DDA1: variants seen among roughly 807,000 people sequenced by gnomAD.
The protein encoded by DDA1 is DET1- and DDB1-associated protein 1.
DDA1 carries 3 observed loss-of-function variants against 18.6 expected under a neutral mutation model. The ratio of observed to expected loss-of-function variants is 0.16; its 90% confidence interval spans 0.07 to 0.42. The LOEUF is 0.42. Ranked by LOEUF, DDA1 falls within the 10% of genes least tolerant of loss-of-function variation. The probability of loss-of-function intolerance (pLI) is 0.99; values close to 1 mark genes in which losing one functional copy is unlikely to be tolerated. For missense variants in DDA1, 105 were observed against 138.2 expected (o/e 0.76, Z 1.20); for synonymous variants, 52 against 54.0 (o/e 0.96, Z 0.17).
Position 17,319,570 on chromosome 19 carries a change from G to C in DDA1, c.223G>C (p.Glu75Gln), listed in dbSNP as rs1259440823. The change falls in exon 5 of 5, where the codon GAG becomes CAG. Residue 75 changes from glutamate (E) to glutamine (Q), a missense_variant. By Grantham distance (29) the Glu-to-Gln change is conservative (BLOSUM62 2). This residue lies in a region of DDA1 where 62 missense variants were observed against 55.8 expected (regional missense o/e 1.11). Transcript: ENST00000359866. ...GAACGCTGCCAAGAAGAGAGACCAG[G>C]AGCAAGTGGAGCTGGAAGGCGAGAG... ...KKNAAKKRDQEQVELEGESSA... is the reference protein window; with the variant it reads ...KKNAAKKRDQQQVELEGESSA... The C allele has an allele frequency of 6.4e-7, 1 of 1,573,788 alleles. No homozygotes were observed. Among genetic ancestry groups the C allele is most frequent in the East Asian group, 2.3e-5 (1 of 42,880 alleles).
chr19:17,317,697 C>T lies in DDA1; in HGVS notation c.198+1702C>T, dbSNP rs140383591. On this transcript the variant is annotated intron_variant, in intron 4 of 4. Transcript: ENST00000359866. ...AAAAAAAAAAAAAAAAACAAATTAG[C>T]TGGCTGTGGCATGTTCCTGTAATCC... is the stretch of plus-strand genomic sequence containing the variant. Among the ~76,000 whole-genome samples, 102 of 147,040 alleles carry T rather than the reference C, an allele frequency of 6.9e-4. 1 individual carries two copies. In the East Asian group the frequency reaches 0.014, roughly 20 times the overall value.
chr19:17,314,270 A>G lies in DDA1; in HGVS notation c.85-68A>G. ...AATCTGCACTGAAGGGTGGGTGCTG[A>G]GTGGAGGGATGAGGAGACCCCAGGC... On this transcript the variant is annotated intron_variant, in intron 2 of 4. Coordinates refer to ENST00000359866, the MANE Select transcript of DDA1 (RefSeq NM_024050.6). The surrounding 1 kb of genome is among the most constrained non-coding windows in gnomAD (Gnocchi z 4.6). 1 of 1,600,168 alleles carries G rather than the reference A, an allele frequency of 6.2e-7. No homozygotes were observed.
Position 17,319,766 on chromosome 19 carries a change from C to T in DDA1, c.*110C>T. ...GCCCGCCTCCCTGCCGGCCCATCCA[C>T]ACCCTGCGTCCACACCACTTCCAAC... On this transcript the variant is annotated 3_prime_UTR_variant, in exon 5 of 5. Coordinates refer to ENST00000359866, the MANE Select transcript of DDA1 (RefSeq NM_024050.6). 3 of 865,016 alleles carry T rather than the reference C, an allele frequency of 3.5e-6. No individual in the cohort carries two copies. Among genetic ancestry groups the T allele is most frequent in the Non-Finnish European group, 5.4e-6 (3 of 552,456 alleles). The allele number at this position is 865,016 out of a possible 1,614,324, so 53.6% of individuals were successfully genotyped here. A position where few individuals can be genotyped will look rare whatever the true frequency, so the allele number is the denominator to read the frequency against.
rs1198085883 is a variant in DDA1, at chr19:17,322,285, A to T, written c.*2629A>T. On this transcript the variant is annotated 3_prime_UTR_variant, in exon 5 of 5. Coordinates refer to ENST00000359866, the MANE Select transcript of DDA1 (RefSeq NM_024050.6). ...TTGCCTCCCTGTGGCCTCCCCCTAG[A>T]ACCCCTGGGTCTGTCGGGACATGCC... is the stretch of plus-strand genomic sequence containing the variant. 1 of 152,848 alleles carries T rather than the reference A, an allele frequency of 6.5e-6. No homozygotes were observed. The highest frequency in any genetic ancestry group is 1.5e-5 in the Non-Finnish European group (1 of 68,584). 9.5% of individuals were successfully genotyped at this position (152,848 alleles called of 1,614,324 possible).
rs1309786089 is a variant in DDA1 at position 17,315,151 on chromosome 19, G to GTATATATATACACA, written c.136+770_136+771insTACACATATATATA. On this transcript the variant is annotated intron_variant, in intron 3 of 4. Transcript: ENST00000359866. ...TATACACACATATATATACACACAC[G>GTATATATATACACA]TATATATACACACGTGTATATACAC... 9.5e-5 allele frequency among the ~76,000 whole-genome samples: 5 copies of GTATATATATACACA among 52,652 alleles called. 2 individuals are homozygous for GTATATATATACACA. Among genetic ancestry groups the GTATATATATACACA allele is most frequent in the African/African-American group, 7.0e-4 (5 of 7,188 alleles). The allele number at this position is 52,652 out of a possible 152,430, so 34.5% of individuals were successfully genotyped here. A position where few individuals can be genotyped will look rare whatever the true frequency, so the allele number is the denominator to read the frequency against.
chr19:17,316,211 C>G (rs1197567899), intron 4 of DDA1, among the ~76,000 whole-genome samples: 1 of 152,142 alleles, frequency 6.6e-6, no homozygotes, highest in East Asian at 1.9e-4. Flanking sequence ...AGGCTGGAGG[C>G]CAGGCCCAAG....
chr19:17,312,753 C>T (rs2074185079), intron 1 of DDA1, among the ~76,000 whole-genome samples: 1 of 152,222 alleles, frequency 6.6e-6, no homozygotes, highest in Non-Finnish European at 1.5e-5. Context: ...CAGTCCAGTG[C>T]CCTGGTGCCT....
In DDA1 at chr19:17,315,429, C is replaced by CGCATAT. The variant is rs1491243231; in HGVS notation, c.137-505_137-504insGCATAT. On this transcript the variant is annotated intron_variant, in intron 3 of 4. Coordinates refer to ENST00000359866, the MANE Select transcript of DDA1 (RefSeq NM_024050.6). ...ACATACGTGTGTGTGTGTGTGTGTG[C>CGCATAT]ATATATATATATATATATATATATA... Among the ~76,000 whole-genome samples the CGCATAT allele has an allele frequency of 3.3e-4, 17 of 52,040 alleles. 1 individual carries two copies. Among genetic ancestry groups the CGCATAT allele is most frequent in the Admixed American group, 2.6e-3 (16 of 6,266 alleles). 34.1% of individuals were successfully genotyped at this position (52,040 alleles called of 152,430 possible).
intron 4 of DDA1, 79 bp from the exon 5 acceptor site, chr19:17,319,467 G>A: frequency 8.3e-7 from 1 of 1,210,008 alleles, no homozygotes; most frequent in Middle Eastern, 2.0e-4. Flanking sequence ...GGCTGAGCTG[G>A]GAGGATTGCT....
In DDA1 at chr19:17,315,164, CGTGT is replaced by C. The variant is rs1568353624; in HGVS notation, c.137-769_137-766del. ...ATATACACACACGTATATATACACA[CGTGT>C]ATATACACACACGTGTATACACACA... On this transcript the variant is annotated intron_variant, in intron 3 of 4. Transcript: ENST00000359866. Among the ~76,000 whole-genome samples, 294 of 68,308 alleles carry C rather than the reference CGTGT, an allele frequency of 4.3e-3. 55 individuals are homozygous for C. The highest frequency in any genetic ancestry group is 5.7e-3 in the Middle Eastern group (1 of 174). 44.8% of individuals were successfully genotyped at this position (68,308 alleles called of 152,430 possible). A position where few individuals can be genotyped will look rare whatever the true frequency, so the allele number is the denominator to read the frequency against.
At chr19:17,316,875 CTCAAAAAAA>C (rs1375380643) in intron 4 of DDA1, among the ~76,000 whole-genome samples, 2 of 150,464 alleles carry the variant, frequency 1.3e-5, no homozygotes, top group Non-Finnish European at 3.0e-5. Context: ...GAGACTCCAT[CTCAAAAAAA>C]ACAAAAAAAA....
At position 17,319,745 on chromosome 19, in the gene DDA1, G is replaced by T; in HGVS notation, c.*89G>T. On this transcript the variant is annotated 3_prime_UTR_variant, in exon 5 of 5. Transcript: ENST00000359866. ...CCATGTGTAAGCACCCCGCCCGCCC[G>T]CCTCCCTGCCGGCCCATCCACACCC... The T allele has an allele frequency of 8.9e-7, 1 of 1,123,282 alleles. No homozygotes were observed. Among genetic ancestry groups the T allele is most frequent in the East Asian group, 2.7e-5 (1 of 36,758 alleles). The allele number at this position is 1,123,282 out of a possible 1,614,324, so 69.6% of individuals were successfully genotyped here.
rs1207414304 is a variant in DDA1 at position 17,315,830 on chromosome 19, TG to T, written c.137-99del. ...TGGGACTTTTGGAGATCTCTGGAGT[TG>T]GGGGTACTGAGTTCCAGCCCCAAAA... is the stretch of plus-strand genomic sequence containing the variant. On this transcript the variant is annotated intron_variant, in intron 3 of 4. Coordinates refer to ENST00000359866, the MANE Select transcript of DDA1 (RefSeq NM_024050.6). The T allele has an allele frequency of 4.8e-6, 5 of 1,038,960 alleles. No homozygotes were observed. The East Asian group carries it at 9.5e-5, about 20-fold the overall frequency. The allele number at this position is 1,038,960 out of a possible 1,614,324, so 64.4% of individuals were successfully genotyped here. A position where few individuals can be genotyped will look rare whatever the true frequency, so the allele number is the denominator to read the frequency against.
rs1381390134 is a variant in DDA1 at position 17,321,313 on chromosome 19, G to A, written c.*1657G>A. 1 of 152,146 alleles carries A rather than the reference G, an allele frequency of 6.6e-6. No homozygotes were observed. The highest frequency in any genetic ancestry group is 2.4e-5 in the African/African-American group (1 of 41,386). The allele number at this position is 152,146 out of a possible 1,614,324, so 9.4% of individuals were successfully genotyped here. ...CACCCAGCTAATTTTTCTATTTTTA[G>A]TGGAGACGGCGTTTTGTCATGTTGG... is the stretch of plus-strand genomic sequence containing the variant. On this transcript the variant is annotated 3_prime_UTR_variant, in exon 5 of 5. Coordinates refer to ENST00000359866, the MANE Select transcript of DDA1 (RefSeq NM_024050.6).
intron 1 of DDA1, 125 bp downstream of exon 1, chr19:17,309,782 C>T: frequency 7.9e-7 from 1 of 1,261,902 alleles, no homozygotes; most frequent in South Asian, 1.6e-5. Flanking sequence ...TCCGGCCCGC[C>T]CCTCCCACTC....
chr19:17,309,816 C>G (rs1322813645), intron 1 of DDA1, among the ~76,000 whole-genome samples, 159 bp downstream of exon 1: 1 of 152,138 alleles, frequency 6.6e-6, no homozygotes, highest in Non-Finnish European at 1.5e-5. Flanking sequence ...GACCCCCGGA[C>G]CCTACCGAGA....
chr19:17,318,964 C>CCTTCTCCT (rs1256521174), intron 4 of DDA1, among the ~76,000 whole-genome samples: 2 of 152,122 alleles, frequency 1.3e-5, no homozygotes, highest in Non-Finnish European at 1.5e-5. Flanking sequence ...CACCCCCACC[C>CCTTCTCCT]CTTCTCCTGC....
chr19:17,312,721 C>T (rs2074184940), intron 1 of DDA1, among the ~76,000 whole-genome samples: 1 of 152,186 alleles, frequency 6.6e-6, no homozygotes, highest in African/African-American at 2.4e-5. Context: ...ATCTCAAGGC[C>T]AGGCGCGTGG....
At position 17,319,824 on chromosome 19, in the gene DDA1, GTT is replaced by G; in HGVS notation, c.*172_*173del. ...GAGCCGATGTATTTATTTTCCTTGA[GTT>G]TTTATTTATGCTGTAACCTGTATCA... On this transcript the variant is annotated 3_prime_UTR_variant, in exon 5 of 5. Coordinates refer to ENST00000359866, the MANE Select transcript of DDA1 (RefSeq NM_024050.6). 1 of 602,508 alleles carries G rather than the reference GTT, an allele frequency of 1.7e-6. No individual in the cohort carries two copies. The highest frequency in any genetic ancestry group is 2.9e-6 in the Non-Finnish European group (1 of 341,566). The allele number at this position is 602,508 out of a possible 1,614,324, so 37.3% of individuals were successfully genotyped here. A position where few individuals can be genotyped will look rare whatever the true frequency, so the allele number is the denominator to read the frequency against.
Sources: allele counts gnomAD v4.1 joint callset (sites outside exome capture counted in the v4.1 genomes callset), GRCh38; gene constraint gnomAD v4.1.1; regional missense constraint gnomAD v4.1.1; non-coding constraint Gnocchi (gnomAD v3.1); transcripts MANE v1.5; gene names NCBI Gene and HGNC (gene_info 2026-07-23, HGNC 2026-07-21).